DISC1: variants seen among roughly 807,000 people sequenced by gnomAD.
DISC1 encodes the protein disrupted in schizophrenia 1 protein.
A neutral mutation model predicts 84.5 loss-of-function variants in DISC1; 57 were observed. The ratio of observed to expected loss-of-function variants is 0.67; its 90% CI spans 0.55 to 0.84. The LOEUF (loss-of-function observed/expected upper bound fraction) is 0.84, where lower values mean the gene tolerates loss of function less well. DISC1 is among the 40% of genes least tolerant of loss of function. DISC1 has a pLI of 0.00. For missense variants in DISC1, 1,000 were observed against 1,057.8 expected (o/e 0.95, Z 0.76); for synonymous variants, 411 against 415.2 (o/e 0.99, Z 0.12).
chr1:231,868,244 C>T (rs2085199381), intron 9 of DISC1, among the ~76,000 whole-genome samples: 1 of 152,210 alleles, frequency 6.6e-6, no homozygotes, highest in Non-Finnish European at 1.5e-5. Flanking sequence ...GCTTTCCTAT[C>T]TTGTCTCCAG....
intron 9 of DISC1, chr1:231,855,320 A>G: frequency 1.1e-6 from 1 of 941,444 alleles, no homozygotes; most frequent in Non-Finnish European, 1.3e-6. Context: ...TATATATATA[A>G]TACATACAAT....
At chr1:231,711,311 AT>A (rs533262191) in intron 3 of DISC1, among the ~76,000 whole-genome samples, 30 of 138,586 alleles carry the variant, frequency 2.2e-4, no homozygotes, top group South Asian at 1.6e-3. Flanking sequence ...ATTAGAATTG[AT>A]TTTTTTTTTA....
intron 1 of DISC1, among the ~76,000 whole-genome samples, chr1:231,640,672 G>A (rs1015644614): frequency 6.6e-6 from 1 of 152,032 alleles, no homozygotes; most frequent in African/African-American, 2.4e-5. Flanking sequence ...GGGACTATAG[G>A]AGTGTGTCAC....
intron 4 of DISC1, among the ~76,000 whole-genome samples, chr1:231,757,227 A>G (rs1272717838): frequency 6.6e-6 from 1 of 152,162 alleles, no homozygotes; most frequent in South Asian, 2.1e-4. Context: ...GACTTCCTCT[A>G]TTGCAAAACC....
At chr1:231,959,008 A>G in intron 10 of DISC1, 120 bp downstream of exon 10, 1 of 1,458,356 alleles carries the variant, frequency 6.9e-7, no homozygotes. Flanking sequence ...TAACAAAGAA[A>G]GACACAAAAA....
intron 9 of DISC1, among the ~76,000 whole-genome samples, chr1:231,835,254 A>G (rs1156547721): frequency 6.6e-6 from 1 of 152,186 alleles, no homozygotes; most frequent in East Asian, 1.9e-4. Context: ...CGTCCGTGTG[A>G]AGAGACCGCT....
chr1:231,852,667 A>G (rs1308973729), intron 9 of DISC1, among the ~76,000 whole-genome samples: 2 of 152,218 alleles, frequency 1.3e-5, no homozygotes, highest in Admixed American at 1.3e-4. Flanking sequence ...ATTATTTTGC[A>G]ATTGAGGTTC....
intron 11 of DISC1, among the ~76,000 whole-genome samples, chr1:232,010,602 C>G (rs1667936798): frequency 1.3e-5 from 2 of 152,048 alleles, no homozygotes; most frequent in African/African-American, 4.8e-5. Context: ...CCTATACAGA[C>G]AGAGTAACAA....
chr1:231,779,010 G>T (rs2077172990), intron 6 of DISC1, among the ~76,000 whole-genome samples: 1 of 152,056 alleles, frequency 6.6e-6, no homozygotes, highest in South Asian at 2.1e-4. Flanking sequence ...AAGAACTGAT[G>T]GAACAGACTC....
At chr1:231,717,146 G>A (rs2068853654) in intron 3 of DISC1, among the ~76,000 whole-genome samples, 1 of 152,138 alleles carries the variant, frequency 6.6e-6, no homozygotes, top group Admixed American at 6.5e-5. Context: ...TGCATCAGCT[G>A]CTCTAGAGGT....
intron 9 of DISC1, among the ~76,000 whole-genome samples, chr1:231,939,749 A>ATT (rs5781680): frequency 1.2e-4 from 18 of 146,562 alleles, no homozygotes; most frequent in Middle Eastern, 3.5e-3. Flanking sequence ...TGCTTATTCT[A>ATT]TTTTTTTTTT....
Position 231,698,523 on chromosome 1 carries a change from T to A in DISC1, c.1048-3432T>A, listed in dbSNP as rs1572976731. ...ATTATAGGACGTTCCACAGGCAGGG[T>A]TGTGGCACAGTGCAAGACATGGCCA... On this transcript the variant is annotated intron_variant, in intron 2 of 12. Coordinates refer to ENST00000439617, the MANE Select transcript of DISC1 (RefSeq NM_018662.3). The surrounding 1 kb of genome is among the most constrained non-coding windows in gnomAD (Gnocchi z 4.9). Among the ~76,000 whole-genome samples, 1 of 152,076 alleles carries A rather than the reference T, an allele frequency of 6.6e-6. No homozygotes were observed. The highest frequency in any genetic ancestry group is 6.5e-5 in the Admixed American group (1 of 15,274).
intron 10 of DISC1, among the ~76,000 whole-genome samples, chr1:231,963,980 C>T (rs821594): frequency 0.3 from 45,432 of 151,882 alleles, 7,430 homozygotes; most frequent in African/African-American, 0.44. Context: ...ATAACATAAC[C>T]GATTAGGTCA....
intron 8 of DISC1, among the ~76,000 whole-genome samples, chr1:231,808,439 C>T (rs2079935476): frequency 6.6e-6 from 1 of 152,222 alleles, no homozygotes; most frequent in East Asian, 1.9e-4. Flanking sequence ...TGATGTTACT[C>T]TCCCCTGGCC....
chr1:231,941,960 G>A (rs2091368535), intron 9 of DISC1, among the ~76,000 whole-genome samples: 2 of 151,954 alleles, frequency 1.3e-5, no homozygotes, highest in South Asian at 4.2e-4. Context: ...TAAGCAAGCT[G>A]CCCCCACAGG....
chr1:231,816,952 C>A (rs2081063209), intron 8 of DISC1, among the ~76,000 whole-genome samples: 1 of 151,794 alleles, frequency 6.6e-6, no homozygotes, highest in South Asian at 2.1e-4. Flanking sequence ...TCACCTCCTC[C>A]TCCTCCTTCT....
At chr1:231,640,780 C>T (rs2059577177) in intron 1 of DISC1, among the ~76,000 whole-genome samples, 1 of 152,290 alleles carries the variant, frequency 6.6e-6, no homozygotes, top group East Asian at 1.9e-4. Flanking sequence ...AAGAAAACCT[C>T]CTGCCTCTGT....
At chr1:231,922,395 T>G (rs1393374761) in intron 9 of DISC1, among the ~76,000 whole-genome samples, 1 of 152,180 alleles carries the variant, frequency 6.6e-6, no homozygotes, top group East Asian at 1.9e-4. Context: ...ATTGTTGCAT[T>G]TAATCCTCAC....
chr1:231,834,461 A>G (rs1234038628), intron 9 of DISC1, among the ~76,000 whole-genome samples: 2 of 152,218 alleles, frequency 1.3e-5, no homozygotes, highest in East Asian at 1.9e-4. Flanking sequence ...GACGTCAGGC[A>G]TCTCAGACCG....
Sources: allele counts gnomAD v4.1 joint callset (sites outside exome capture counted in the v4.1 genomes callset), GRCh38; gene constraint gnomAD v4.1.1; non-coding constraint Gnocchi (gnomAD v3.1); transcripts MANE v1.5; gene names NCBI Gene and HGNC (gene_info 2026-07-23, HGNC 2026-07-21).